NFXL1: variants seen among roughly 807,000 people sequenced by gnomAD.
NFXL1 encodes the protein nuclear transcription factor, X-box binding like 1.
In NFXL1, 66 loss-of-function variants were observed where a neutral mutation model predicts 123.3. The ratio of observed to expected loss-of-function variants is 0.54; its 90% confidence interval spans 0.44 to 0.66. The LOEUF is 0.66. Ranked by LOEUF, NFXL1 falls within the 30% of genes least tolerant of loss-of-function variation. NFXL1 has a pLI of 0.00. For synonymous variants in NFXL1, 346 were observed against 360.8 expected (o/e 0.96, Z 0.46); for missense variants, 944 against 1,125.6 (o/e 0.84, Z 2.31).
chr4:47,901,265 T>C (rs1407230089), intron 5 of NFXL1, among the ~76,000 whole-genome samples: 6 of 152,194 alleles, frequency 3.9e-5, no homozygotes, highest in African/African-American at 1.4e-4. Flanking sequence ...TGATGAGGAT[T>C]AAACAAAATG....
rs568549349 is a variant in NFXL1, at chr4:47,902,113, C to T, written c.647+1080G>A. 2.7e-3 allele frequency among the ~76,000 whole-genome samples: 404 copies of T among 152,108 alleles called. 2 individuals carry two copies. Among genetic ancestry groups the T allele is most frequent in the African/African-American group, 9.0e-3 (375 of 41,450 alleles). On this transcript the variant is annotated intron_variant, in intron 5 of 22. Transcript: ENST00000507489. ...GGGAGAATCGCTTGAACCCGACAAGCAGTGGCTACAGCGAGCCAAGAGCGC... is the reference window on the plus strand; with the variant it reads ...GGGAGAATCGCTTGAACCCGACAAGTAGTGGCTACAGCGAGCCAAGAGCGC...
chr4:47,870,408 G>T (rs539877440), intron 18 of NFXL1, among the ~76,000 whole-genome samples: 1 of 152,236 alleles, frequency 6.6e-6, no homozygotes, highest in South Asian at 2.1e-4. Context: ...AACAGAAATT[G>T]TTGGATACTC....
chr4:47,890,472 C>T (rs962109407), intron 12 of NFXL1, 141 bp downstream of exon 12: 56 of 586,794 alleles, frequency 9.5e-5, no homozygotes, highest in Admixed American at 1.2e-4. Flanking sequence ...AACTGCCTTA[C>T]CTTCTTCTCC....
At chr4:47,858,128 G>A (rs750614575) in intron 19 of NFXL1, among the ~76,000 whole-genome samples, 2 of 152,038 alleles carry the variant, frequency 1.3e-5, no homozygotes, top group African/African-American at 2.4e-5. Context: ...TCCTGAAAAC[G>A]TATTCAAACT....
At chr4:47,891,646 T>G (rs1026569805) in intron 11 of NFXL1, among the ~76,000 whole-genome samples, 1 of 152,146 alleles carries the variant, frequency 6.6e-6, no homozygotes, top group African/African-American at 2.4e-5. Context: ...TTACCTAACT[T>G]TGGAAAGGAA....
intron 20 of NFXL1, among the ~76,000 whole-genome samples, chr4:47,853,069 CA>C (rs1246406964): frequency 6.6e-6 from 1 of 151,330 alleles, no homozygotes; most frequent in East Asian, 1.9e-4. Flanking sequence ...TTAACATGAA[CA>C]AACACTGGAG....
chr4:47,884,067 T>C (rs1022486395), intron 15 of NFXL1, among the ~76,000 whole-genome samples: 4 of 152,248 alleles, frequency 2.6e-5, no homozygotes, highest in African/African-American at 7.2e-5. Context: ...CTTGGATTTG[T>C]TTTTGTAATT....
chr4:47,862,896 C>T lies in NFXL1; in HGVS notation c.2266G>A (p.Val756Ile), dbSNP rs915346704. The T allele has an allele frequency of 1.3e-6, 2 of 1,576,400 alleles. No individual in the cohort carries two copies. The highest frequency in any genetic ancestry group is 8.6e-7 in the Non-Finnish European group (1 of 1,164,758). Residue 756 changes from valine to isoleucine, a missense_variant, in exon 19 of 23, where the codon GTA becomes ATA. By Grantham distance (29) the Val-to-Ile change is conservative. Transcript: ENST00000507489. ...CAACTGAGGAGGTTCTTTTCATTTACATCAGCTGTGGTTATTTTTCTAAAA... is the reference window on the plus strand; with the variant it reads ...CAACTGAGGAGGTTCTTTTCATTTATATCAGCTGTGGTTATTTTTCTAAAA... ...VECRKITTAD[V>I]NEKNLLSCCK...
chr4:47,855,431 T>C (rs1004891052), intron 19 of NFXL1, among the ~76,000 whole-genome samples: 3 of 151,954 alleles, frequency 2.0e-5, no homozygotes, highest in Non-Finnish European at 4.4e-5. Flanking sequence ...CCCTTGTAGC[T>C]AGTTATAGCC....
intron 15 of NFXL1, chr4:47,882,257 T>C (rs1451905412): frequency 6.6e-6 from 1 of 152,144 alleles, no homozygotes; most frequent in Non-Finnish European, 1.5e-5. Flanking sequence ...GGCTTAAAAA[T>C]GGTCTAATGA....
chr4:47,876,719 T>C (rs755372727), intron 17 of NFXL1, among the ~76,000 whole-genome samples: 4 of 152,100 alleles, frequency 2.6e-5, no homozygotes, highest in Non-Finnish European at 4.4e-5. Flanking sequence ...TGAGTAGAAA[T>C]GTTGGTTAGG....
chr4:47,911,175 A>T (rs1737812454), intron 2 of NFXL1, among the ~76,000 whole-genome samples, 181 bp from the exon 3 acceptor site: 2 of 152,254 alleles, frequency 1.3e-5, no homozygotes, highest in Admixed American at 6.5e-5. Context: ...AGAATACCAC[A>T]ACAAAAACTT....
intron 11 of NFXL1, among the ~76,000 whole-genome samples, chr4:47,893,541 G>C (rs867964797): frequency 2.6e-5 from 4 of 152,034 alleles, no homozygotes; most frequent in African/African-American, 9.7e-5. Context: ...AAAGATAGTA[G>C]AGCAATACCT....
intron 2 of NFXL1, 40 bp downstream of exon 2, chr4:47,913,929 G>C: frequency 7.0e-7 from 1 of 1,437,126 alleles, no homozygotes; most frequent in Non-Finnish European, 9.5e-7. Context: ...ACTGCCTTAG[G>C]AGGCATCCAG....
rs1182861584 is a variant in NFXL1 at position 47,860,441 on chromosome 4, G to A, written c.2316+2405C>T. Among the ~76,000 whole-genome samples, 4 of 152,186 alleles carry A rather than the reference G, an allele frequency of 2.6e-5. No homozygotes were observed. The East Asian group carries it at 7.7e-4, about 29-fold the overall frequency. On this transcript the variant is annotated intron_variant, in intron 19 of 22. Coordinates refer to ENST00000507489, the MANE Select transcript of NFXL1 (RefSeq NM_001278624.2). Reference sequence around the variant, plus strand: ...ATTCAAACCTAATAATCCATAGAGTGTGTATCAGAGACACAGTGGAGCTGG... The same window carrying A: ...ATTCAAACCTAATAATCCATAGAGTATGTATCAGAGACACAGTGGAGCTGG...
In NFXL1 at chr4:47,851,205, A is replaced by G. The variant is rs1307024066; in HGVS notation, c.2509-57T>C. On this transcript the variant is annotated intron_variant, in intron 21 of 22. Transcript: ENST00000507489. ...ATTTAGTCATCACATTTTATATGGA[A>G]TTTTAACATCTACCCATCCAGGTTC... 17 of 1,244,716 alleles carry G rather than the reference A, an allele frequency of 1.4e-5. No homozygotes were observed. In the Admixed American group the frequency reaches 3.0e-4, roughly 22 times the overall value. The allele number at this position is 1,244,716 out of a possible 1,614,324, so 77.1% of individuals were successfully genotyped here. A position where few individuals can be genotyped will look rare whatever the true frequency, so the allele number is the denominator to read the frequency against.
chr4:47,868,861 G>A (rs928252948), intron 18 of NFXL1, among the ~76,000 whole-genome samples: 1 of 152,196 alleles, frequency 6.6e-6, no homozygotes, highest in African/African-American at 2.4e-5. Context: ...TAAAAATTCT[G>A]TATGACATAT....
At chr4:47,867,401 A>T (rs1735165777) in intron 18 of NFXL1, among the ~76,000 whole-genome samples, 1 of 152,136 alleles carries the variant, frequency 6.6e-6, no homozygotes, top group South Asian at 2.1e-4. Context: ...TGAGATATAG[A>T]AAAAAGTATC....
chr4:47,860,194 T>A (rs1734684000), intron 19 of NFXL1, among the ~76,000 whole-genome samples: 1 of 152,182 alleles, frequency 6.6e-6, no homozygotes, highest in African/African-American at 2.4e-5. Flanking sequence ...GTATACATAT[T>A]TCAAAACATG....
Sources: gnomAD v4.1 joint callset for allele counts (sites outside exome capture counted in the v4.1 genomes callset) on GRCh38, gnomAD v4.1.1 for gene constraint, MANE v1.5 for transcripts, NCBI Gene and HGNC (gene_info 2026-07-23, HGNC 2026-07-21) for gene names.